The following IMMP2L variants were observed in gnomAD, a reference collection of about 807,000 sequenced individuals.
IMMP2L encodes the protein inner mitochondrial membrane peptidase subunit 2.
Under a neutral mutation model 19.3 loss-of-function variants are expected in IMMP2L, and 18 were observed. The observed-to-expected ratio is 0.93, with a 90% CI of 0.64 to 1.38. The LOEUF is 1.38. Ranked by LOEUF, IMMP2L falls within the 40% of genes most tolerant of loss-of-function variation. The probability of loss-of-function intolerance (pLI) is 0.00; values close to 1 mark genes in which losing one functional copy is unlikely to be tolerated. For synonymous variants in IMMP2L, 76 were observed against 73.0 expected, an observed-to-expected ratio of 1.04 and a Z score of -0.21; for missense variants, 233 against 218.2, an observed-to-expected ratio of 1.07 and a Z score of -0.43.
At chr7:111,202,204 G>A (rs1193398898) in intron 3 of IMMP2L, among the ~76,000 whole-genome samples, 1 of 152,086 alleles carries the variant, frequency 6.6e-6, no homozygotes, top group Non-Finnish European at 1.5e-5. Context: ...TTGATATCAG[G>A]TTATAAATTT....
intron 4 of IMMP2L, among the ~76,000 whole-genome samples, chr7:110,913,120 A>C (rs1392454222): frequency 6.6e-6 from 1 of 152,118 alleles, no homozygotes; most frequent in African/African-American, 2.4e-5. Context: ...TTACTAGGAT[A>C]TGTTTAGTCT....
chr7:111,557,796 CCATGTACATTACTAGCT>C, intron 1 of IMMP2L, among the ~76,000 whole-genome samples: 1 of 152,088 alleles, frequency 6.6e-6, no homozygotes, highest in South Asian at 2.1e-4. Flanking sequence ...GTCACTAGTT[CCATGTACATTACTAGCT>C]CAATGCAGAT....
chr7:110,668,021 C>A (rs980010345), intron 5 of IMMP2L, among the ~76,000 whole-genome samples: 1 of 152,100 alleles, frequency 6.6e-6, no homozygotes, highest in Admixed American at 6.5e-5. Flanking sequence ...AGGTAACATG[C>A]TATATTCTCT....
At position 110,886,596 on chromosome 7, in the gene IMMP2L, C is replaced by G. The variant is rs1401751751; in HGVS notation, c.405G>C (p.Gly135=). The change falls in exon 5 of 6, where the codon GGG becomes GGC. Residue 135 remains glycine (G), a synonymous_variant. Coordinates refer to ENST00000405709, the MANE Select transcript of IMMP2L (RefSeq NM_032549.4). The part of the protein sequence containing the change: ...HGHSFDSNSF[G]PVSLGLLHAH... ...AAGAAGATAAAAGATGACTTACCGG[C>G]CCAAAAGAATTACTGTCAAAACTGT... 2 of 1,570,472 alleles carry G rather than the reference C, an allele frequency of 1.3e-6. No homozygotes were observed. Among genetic ancestry groups the G allele is most frequent in the East Asian group, 4.5e-5 (2 of 44,608 alleles).
chr7:111,143,625 T>G (rs1803167600), intron 3 of IMMP2L, among the ~76,000 whole-genome samples: 1 of 152,140 alleles, frequency 6.6e-6, no homozygotes, highest in Non-Finnish European at 1.5e-5. Context: ...GAAAGAATTC[T>G]TTTACAGGCA....
intron 5 of IMMP2L, among the ~76,000 whole-genome samples, chr7:110,703,550 A>T (rs1794437039): frequency 6.6e-6 from 1 of 152,158 alleles, no homozygotes; most frequent in Non-Finnish European, 1.5e-5. Flanking sequence ...CTCAGTTTGT[A>T]GCTCATTTAT....
At chr7:111,386,049 T>A (rs1213070436) in intron 3 of IMMP2L, among the ~76,000 whole-genome samples, 2 of 149,312 alleles carry the variant, frequency 1.3e-5, no homozygotes, top group Non-Finnish European at 3.0e-5. Flanking sequence ...CCCAGCTAAT[T>A]TTTTTTTTTT....
intron 4 of IMMP2L, among the ~76,000 whole-genome samples, chr7:110,906,175 T>C (rs1812432175): frequency 6.6e-6 from 1 of 152,246 alleles, no homozygotes; most frequent in Non-Finnish European, 1.5e-5. Flanking sequence ...TGGCTGTTTT[T>C]TTCTTACTCA....
chr7:110,674,008 T>A (rs919331838), intron 5 of IMMP2L, among the ~76,000 whole-genome samples: 2 of 152,172 alleles, frequency 1.3e-5, no homozygotes, highest in Admixed American at 6.5e-5. Context: ...CCACTCCCAG[T>A]ACCAACTTAC....
chr7:111,367,471 C>CA lies in IMMP2L; in HGVS notation c.239+119766dup, dbSNP rs1370973117. Among the ~76,000 whole-genome samples, 9 of 138,898 alleles carry CA rather than the reference C, an allele frequency of 6.5e-5. No homozygotes were observed. In the East Asian group the frequency reaches 1.8e-3, roughly 27 times the overall value. 91.1% of individuals were successfully genotyped at this position (138,898 alleles called of 152,430 possible). A position where few individuals can be genotyped will look rare whatever the true frequency, so the allele number is the denominator to read the frequency against. On this transcript the variant is annotated intron_variant, in intron 3 of 5. Transcript: ENST00000405709. The stretch of plus-strand genomic sequence containing the variant: ...ATTTGGTAGTACTTGTTTCTCTCAG[C>CA]AAAAAGGCTTTTTTTTTTTAACACA...
chr7:111,266,498 G>A (rs934334162), intron 3 of IMMP2L, among the ~76,000 whole-genome samples: 5 of 145,540 alleles, frequency 3.4e-5, no homozygotes, highest in Non-Finnish European at 5.9e-5. Flanking sequence ...AGCCAAGATC[G>A]CACTATTGCA....
At chr7:111,325,520 T>C (rs1825218392) in intron 3 of IMMP2L, among the ~76,000 whole-genome samples, 1 of 151,700 alleles carries the variant, frequency 6.6e-6, no homozygotes. Context: ...ATTAAGATCA[T>C]CATGTGGACC....
intron 3 of IMMP2L, among the ~76,000 whole-genome samples, chr7:111,117,034 T>A (rs947987794): frequency 6.6e-6 from 1 of 152,166 alleles, no homozygotes; most frequent in Non-Finnish European, 1.5e-5. Flanking sequence ...CTCTCTAGTT[T>A]GTTTACTACT....
At chr7:111,130,187 G>T (rs1180523176) in intron 3 of IMMP2L, among the ~76,000 whole-genome samples, 1 of 152,092 alleles carries the variant, frequency 6.6e-6, no homozygotes, top group Non-Finnish European at 1.5e-5. Context: ...CCAACGAAGG[G>T]TGTAAATAAC....
chr7:110,999,329 G>T (rs1279352213), intron 3 of IMMP2L, among the ~76,000 whole-genome samples: 8 of 18,440 alleles, frequency 4.3e-4, no homozygotes, highest in South Asian at 9.3e-3. Flanking sequence ...CATTTTCCAT[G>T]GTTTTTTTTT....
At chr7:110,964,553 C>A (rs565280924) in intron 3 of IMMP2L, among the ~76,000 whole-genome samples, 1 of 152,046 alleles carries the variant, frequency 6.6e-6, no homozygotes, top group African/African-American at 2.4e-5. Context: ...TTTCAAGCTA[C>A]TTGATTATGG....
intron 3 of IMMP2L, among the ~76,000 whole-genome samples, chr7:111,232,558 TTC>T (rs1813833732): frequency 6.6e-6 from 1 of 152,064 alleles, no homozygotes; most frequent in Non-Finnish European, 1.5e-5. Context: ...TTTTGTTAAC[TTC>T]TTTTTTGTTA....
At chr7:111,118,986 A>T (rs1800243346) in intron 3 of IMMP2L, among the ~76,000 whole-genome samples, 1 of 152,188 alleles carries the variant, frequency 6.6e-6, no homozygotes, top group South Asian at 2.1e-4. Context: ...AAACACAAAT[A>T]TAAATTTTAA....
intron 3 of IMMP2L, among the ~76,000 whole-genome samples, chr7:111,322,833 C>A (rs888451908): frequency 6.6e-6 from 1 of 151,624 alleles, no homozygotes; most frequent in South Asian, 2.1e-4. Flanking sequence ...TAAATACTTA[C>A]ATATTTTTTA....
Sources: gnomAD v4.1 joint callset for allele counts (sites outside exome capture counted in the v4.1 genomes callset) on GRCh38, gnomAD v4.1.1 for gene constraint, MANE v1.5 for transcripts, NCBI Gene and HGNC (gene_info 2026-07-23, HGNC 2026-07-21) for gene names.